NDRG3: variants seen among roughly 807,000 people sequenced by gnomAD.
NDRG3 encodes NDRG family member 3, also known as protein NDRG3.
A neutral mutation model predicts 57.2 loss-of-function variants in NDRG3; 23 were observed. That is an observed-to-expected ratio of 0.40 (90% confidence interval 0.29 to 0.57). The LOEUF (loss-of-function observed/expected upper bound fraction) is 0.57. Among genes scored for constraint, NDRG3 ranks in the 20% least tolerant of loss-of-function variants. The pLI is 0.42. For missense variants in NDRG3, 384 were observed against 457.3 expected, an observed-to-expected ratio of 0.84 and a Z score of 1.46; for synonymous variants, 132 against 162.6, an observed-to-expected ratio of 0.81 and a Z score of 1.43.
chr20:36,730,893 G>A (rs1337670383), intron 1 of NDRG3, among the ~76,000 whole-genome samples: 6 of 149,782 alleles, frequency 4.0e-5, no homozygotes, highest in South Asian at 4.2e-4. Flanking sequence ...AGCCAAGATC[G>A]CGCCACTGCA....
chr20:36,678,983 C>T (rs1364021566), intron 8 of NDRG3, among the ~76,000 whole-genome samples: 1 of 152,190 alleles, frequency 6.6e-6, no homozygotes, highest in Non-Finnish European at 1.5e-5. Flanking sequence ...GAGAGTCTCA[C>T]TCTGTTGCCC....
chr20:36,697,963 CTTTTTTTTTTT>C (rs1026025529), intron 3 of NDRG3, among the ~76,000 whole-genome samples: 1 of 123,016 alleles, frequency 8.1e-6, no homozygotes, highest in South Asian at 2.8e-4. Context: ...TTTCTTTTTT[CTTTTTTTTTTT>C]TTTTTTTTTG....
chr20:36,701,939 T>G (rs1983256510), intron 3 of NDRG3, among the ~76,000 whole-genome samples: 1 of 151,976 alleles, frequency 6.6e-6, no homozygotes, highest in African/African-American at 2.4e-5. Flanking sequence ...CAACTTTCAC[T>G]TTTTTCTTGA....
At chr20:36,660,568 A>AT (rs937213463) in intron 12 of NDRG3, among the ~76,000 whole-genome samples, 184 bp from the exon 13 acceptor site, 41 of 145,272 alleles carry the variant, frequency 2.8e-4, no homozygotes, top group African/African-American at 5.7e-4. Flanking sequence ...TTATTTATTT[A>AT]TTTTTTTTTT....
chr20:36,690,349 C>G (rs573959689), intron 3 of NDRG3, among the ~76,000 whole-genome samples: 32 of 150,816 alleles, frequency 2.1e-4, no homozygotes, highest in Non-Finnish European at 3.6e-4. Flanking sequence ...GAGCAAAGCT[C>G]AGGAACCCAA....
chr20:36,715,000 GTGTGTGTATATATATATATATA>G (rs1414336141), intron 2 of NDRG3, among the ~76,000 whole-genome samples: 1,526 of 56,580 alleles, frequency 0.027, 62 homozygotes, highest in Non-Finnish European at 0.037. Flanking sequence ...GTGTGTGTGT[GTGTGTGTATATATATATATATA>G]TATATATATA....
intron 15 of NDRG3, among the ~76,000 whole-genome samples, chr20:36,655,762 C>G (rs758870465): frequency 1.3e-5 from 2 of 152,156 alleles, no homozygotes; most frequent in Admixed American, 6.5e-5. Flanking sequence ...AATTTTTACC[C>G]TTGGCAATGT....
chr20:36,745,303 G>A (rs1215291776), intron 1 of NDRG3, among the ~76,000 whole-genome samples: 1 of 152,122 alleles, frequency 6.6e-6, no homozygotes, highest in Non-Finnish European at 1.5e-5. Context: ...ATTGTACTCC[G>A]ACAACAAGAA....
chr20:36,654,800 C>A (rs761981542), intron 15 of NDRG3: 1 of 779,744 alleles, frequency 1.3e-6, no homozygotes, highest in Admixed American at 1.7e-5. Context: ...GAGGAAGGTA[C>A]CTGACTCGGT....
chr20:36,715,006 G>GTA (rs545495779), intron 2 of NDRG3, among the ~76,000 whole-genome samples: 133 of 26,686 alleles, frequency 5.0e-3, no homozygotes, highest in African/African-American at 5.8e-3. Flanking sequence ...GTGTGTGTGT[G>GTA]TATATATATA....
chr20:36,662,832 C>G (rs1383054248), intron 12 of NDRG3, among the ~76,000 whole-genome samples: 2 of 152,062 alleles, frequency 1.3e-5, no homozygotes, highest in Non-Finnish European at 2.9e-5. Context: ...ATGTGGAAAT[C>G]AGAAAGAGGG....
At chr20:36,667,647 A>G (rs944996541) in intron 9 of NDRG3, among the ~76,000 whole-genome samples, 2 of 152,206 alleles carry the variant, frequency 1.3e-5, no homozygotes, top group Non-Finnish European at 2.9e-5. Flanking sequence ...TACACACAAC[A>G]TCAATAAGCA....
At chr20:36,679,664 C>T (rs925161302) in intron 8 of NDRG3, among the ~76,000 whole-genome samples, 13 of 151,542 alleles carry the variant, frequency 8.6e-5, no homozygotes, top group East Asian at 5.8e-4. Flanking sequence ...CCACCACGCC[C>T]GGCTAATTTT....
chr20:36,671,563 G>A (rs1245361084), intron 8 of NDRG3, among the ~76,000 whole-genome samples, 166 bp from the exon 9 acceptor site: 1 of 152,190 alleles, frequency 6.6e-6, no homozygotes, highest in Non-Finnish European at 1.5e-5. Flanking sequence ...AGGACTTTGG[G>A]AGGCTGAGGC....
At chr20:36,729,513 T>C (rs903423174) in intron 1 of NDRG3, among the ~76,000 whole-genome samples, 3 of 152,042 alleles carry the variant, frequency 2.0e-5, no homozygotes, top group African/African-American at 7.2e-5. Flanking sequence ...CTGAAAGCCT[T>C]CATTATTATT....
intron 1 of NDRG3, among the ~76,000 whole-genome samples, chr20:36,723,300 A>G (rs1984709274): frequency 6.6e-6 from 1 of 152,228 alleles, no homozygotes; most frequent in South Asian, 2.1e-4. Flanking sequence ...AATGAACTAC[A>G]AATTCTTCTT....
In NDRG3 at chr20:36,684,486, G is replaced by A. The variant is rs1206225622; in HGVS notation, c.321-11C>T. 1 of 1,611,126 alleles carries A rather than the reference G, an allele frequency of 6.2e-7. No individual in the cohort carries two copies. The stretch of plus-strand genomic sequence containing the variant: ...GTGGGGTACTGATACCTGCAATCCA[G>A]AAGGATATCTCCTGAATTAGAAAGC... On this transcript the variant is annotated splice_polypyrimidine_tract_variant and intron_variant, in intron 5 of 15. Transcript: ENST00000349004.
At chr20:36,664,486 T>C (rs1979450620) in intron 12 of NDRG3, among the ~76,000 whole-genome samples, 1 of 152,126 alleles carries the variant, frequency 6.6e-6, no homozygotes, top group African/African-American at 2.4e-5. Context: ...AATCTGACAA[T>C]AAGTAAATGG....
chr20:36,690,425 G>A (rs982574549), intron 3 of NDRG3, among the ~76,000 whole-genome samples: 1 of 146,080 alleles, frequency 6.8e-6, no homozygotes, highest in Non-Finnish European at 1.5e-5. Context: ...AAGATGCACC[G>A]AGCAAAGCTG....
Sources: gnomAD v4.1 joint callset for allele counts (sites outside exome capture counted in the v4.1 genomes callset) on GRCh38, gnomAD v4.1.1 for gene constraint, MANE v1.5 for transcripts, NCBI Gene and HGNC (gene_info 2026-07-23, HGNC 2026-07-21) for gene names.